The following SPMIP11 variants were observed in gnomAD, a reference collection of about 807,000 sequenced individuals.
SPMIP11 encodes long intergenic non-protein coding RNA 935.
the SPMIP11 span, among the ~76,000 whole-genome samples, chr12:48,732,595 C>T: frequency 1.3e-5 from 2 of 151,384 alleles, no homozygotes; most frequent in Admixed American, 1.3e-4. Context: ...CATGGTGAAA[C>T]CCCGTCTCTA....
At chr12:48,770,020 C>G in the SPMIP11 span, among the ~76,000 whole-genome samples, 4 of 151,644 alleles carry the variant, frequency 2.6e-5, no homozygotes, top group South Asian at 2.1e-4. Flanking sequence ...CTCGGACTCC[C>G]AAAGTGCTGG....
chr12:48,758,831 C>T, the SPMIP11 span, among the ~76,000 whole-genome samples: 1 of 152,226 alleles, frequency 6.6e-6, no homozygotes, highest in African/African-American at 2.4e-5. Flanking sequence ...TTAGCTCAAA[C>T]ATGACTTCCA....
chr12:48,765,778 G>C, the SPMIP11 span: 1 of 666,970 alleles, frequency 1.5e-6, no homozygotes, highest in African/African-American at 1.8e-5. Flanking sequence ...ACAGTAAACA[G>C]ACTGGACTAA....
the SPMIP11 span, among the ~76,000 whole-genome samples, chr12:48,742,345 G>A: frequency 4.4e-5 from 6 of 136,468 alleles, no homozygotes; most frequent in African/African-American, 1.1e-4. Context: ...ACAACGGCAC[G>A]ATCTCGGCTC....
chr12:48,767,085 C>T, the SPMIP11 span: 2 of 152,690 alleles, frequency 1.3e-5, no homozygotes, highest in African/African-American at 2.4e-5. Flanking sequence ...TTCCCCACCC[C>T]GTAGTACCAG....
At chr12:48,769,484 A>T in the SPMIP11 span, among the ~76,000 whole-genome samples, 1 of 151,162 alleles carries the variant, frequency 6.6e-6, no homozygotes, top group African/African-American at 2.4e-5. Flanking sequence ...TCAGTTTAGG[A>T]GCTCCCCTGA....
chr12:48,768,265 C>T, the SPMIP11 span: 1 of 406,490 alleles, frequency 2.5e-6, no homozygotes, highest in Non-Finnish European at 4.6e-6. Flanking sequence ...TGGCAAGCTG[C>T]CATTTTAATC....
At chr12:48,732,403 C>T in the SPMIP11 span, among the ~76,000 whole-genome samples, 1 of 152,130 alleles carries the variant, frequency 6.6e-6, no homozygotes, top group Non-Finnish European at 1.5e-5. Context: ...TTCCTACCAA[C>T]TACACACCCC....
chr12:48,733,765 T>TC, the SPMIP11 span, among the ~76,000 whole-genome samples: 1 of 24,826 alleles, frequency 4.0e-5, no homozygotes, highest in Non-Finnish European at 8.5e-5. Flanking sequence ...ATGCAGATTC[T>TC]TTTTTTTTTT....
chr12:48,745,985 C>T, the SPMIP11 span, among the ~76,000 whole-genome samples: 25 of 152,208 alleles, frequency 1.6e-4, no homozygotes, highest in Admixed American at 1.6e-3. Flanking sequence ...CAGACTCCCC[C>T]TCTAATCCAA....
chr12:48,770,053 G>A, the SPMIP11 span, among the ~76,000 whole-genome samples: 1 of 148,740 alleles, frequency 6.7e-6, no homozygotes, highest in East Asian at 1.9e-4. Context: ...GAGCCACTGC[G>A]CCCGGCCTAA....
chr12:48,763,110 A>T, the SPMIP11 span, among the ~76,000 whole-genome samples: 1 of 152,236 alleles, frequency 6.6e-6, no homozygotes, highest in Admixed American at 6.5e-5. Context: ...CAGAAATCAA[A>T]ACAGGCACAT....
chr12:48,745,052 C>T, the SPMIP11 span, among the ~76,000 whole-genome samples: 2 of 151,954 alleles, frequency 1.3e-5, no homozygotes, highest in East Asian at 1.9e-4. Flanking sequence ...GGGTGGATCA[C>T]GAGGTCAGGA....
chr12:48,732,162 AC>A, the SPMIP11 span, among the ~76,000 whole-genome samples: 7 of 151,334 alleles, frequency 4.6e-5, no homozygotes, highest in African/African-American at 1.5e-4. Flanking sequence ...AAAAAAAAAA[AC>A]ATAAAAGCCC....
the SPMIP11 span, among the ~76,000 whole-genome samples, chr12:48,770,107 T>C: frequency 1.8e-4 from 26 of 147,616 alleles, no homozygotes; most frequent in Non-Finnish European, 3.0e-4. Context: ...GGTTTCACTA[T>C]GTTGGTCAGG....
At chr12:48,757,042 C>T in the SPMIP11 span, among the ~76,000 whole-genome samples, 49 of 152,094 alleles carry the variant, frequency 3.2e-4, no homozygotes, top group Non-Finnish European at 5.9e-4. Context: ...TCCCAAAGTG[C>T]TGGAATTACA....
chr12:48,745,851 T>G, the SPMIP11 span, among the ~76,000 whole-genome samples: 1 of 152,156 alleles, frequency 6.6e-6, no homozygotes, highest in Non-Finnish European at 1.5e-5. Flanking sequence ...TATAGATGGG[T>G]GTATATCTAC....
chr12:48,730,911 C>G, the SPMIP11 span, among the ~76,000 whole-genome samples: 1 of 152,150 alleles, frequency 6.6e-6, no homozygotes, highest in Non-Finnish European at 1.5e-5. Flanking sequence ...GCACTCCAGC[C>G]TGGGTGACAA....
the SPMIP11 span, chr12:48,768,696 C>A: frequency 6.2e-7 from 1 of 1,614,070 alleles, no homozygotes; most frequent in Non-Finnish European, 8.5e-7. Context: ...CAGCTAGAAC[C>A]TGGTACAGGT....
Sources: gnomAD v4.1 joint callset for allele counts (sites outside exome capture counted in the v4.1 genomes callset) on GRCh38, gnomAD v4.1.1 for gene constraint, MANE v1.5 for transcripts, NCBI Gene and HGNC (gene_info 2026-07-23, HGNC 2026-07-21) for gene names.